The following ALK variants were observed in gnomAD, a reference collection of about 807,000 sequenced individuals.
ALK encodes ALK receptor tyrosine kinase.
In ALK, 74 loss-of-function variants were observed where a neutral mutation model predicts 163.1. The observed-to-expected ratio is 0.45, with a 90% CI of 0.38 to 0.55. The LOEUF (loss-of-function observed/expected upper bound fraction) is 0.55, where lower values mean the gene tolerates loss of function less well. ALK is among the 20% of genes least tolerant of loss of function. The pLI is 0.00. For synonymous variants in ALK, 960 were observed against 843.2 expected (o/e 1.14, Z -2.40); for missense variants, 2,063 against 2,105.3 (o/e 0.98, Z 0.39).
At chr2:29,219,190 G>A (rs1669717511) in intron 23 of ALK, among the ~76,000 whole-genome samples, 1 of 152,182 alleles carries the variant, frequency 6.6e-6, no homozygotes, top group Admixed American at 6.5e-5. Flanking sequence ...AGCTGATGAG[G>A]GCTCTTATGA....
chr2:29,370,760 T>C (rs904026650), intron 5 of ALK, among the ~76,000 whole-genome samples: 10 of 152,206 alleles, frequency 6.6e-5, no homozygotes. Flanking sequence ...ACAGAGCCCG[T>C]GCCCACCTTC....
At chr2:29,207,133 T>C in intron 26 of ALK, 38 bp downstream of exon 26, 1 of 1,546,020 alleles carries the variant, frequency 6.5e-7, no homozygotes, top group South Asian at 1.1e-5. Flanking sequence ...CACCACCTTA[T>C]GGCTGCAGGG....
intron 1 of ALK, among the ~76,000 whole-genome samples, chr2:29,814,193 G>T (rs866691946): frequency 6.6e-6 from 1 of 152,286 alleles, no homozygotes; most frequent in South Asian, 2.1e-4. Flanking sequence ...TTTCATAGAA[G>T]AGGCACTGAG....
chr2:29,617,707 C>T (rs1246010806), intron 3 of ALK, among the ~76,000 whole-genome samples: 1 of 152,188 alleles, frequency 6.6e-6, no homozygotes, highest in Non-Finnish European at 1.5e-5. Context: ...CTTGTCCTTG[C>T]TGTATCGGGA....
At chr2:29,770,180 G>T (rs1051309401) in intron 1 of ALK, among the ~76,000 whole-genome samples, 1 of 152,152 alleles carries the variant, frequency 6.6e-6, no homozygotes, top group Non-Finnish European at 1.5e-5. Flanking sequence ...CCAAGTGTAG[G>T]AAGGAGTGAG....
intron 4 of ALK, among the ~76,000 whole-genome samples, chr2:29,447,243 C>T (rs575104906): frequency 5.9e-5 from 9 of 152,316 alleles, no homozygotes; most frequent in South Asian, 2.1e-4. Context: ...CTCCCCTACC[C>T]GTCTCCATTA....
chr2:29,437,473 C>T (rs567175149), intron 4 of ALK, among the ~76,000 whole-genome samples: 26 of 152,278 alleles, frequency 1.7e-4, no homozygotes, highest in Non-Finnish European at 2.5e-4. Context: ...TGAGACAAAG[C>T]GAGGCCACTT....
chr2:29,610,208 G>A (rs1342179877), intron 3 of ALK, among the ~76,000 whole-genome samples: 1 of 152,174 alleles, frequency 6.6e-6, no homozygotes, highest in African/African-American at 2.4e-5. Context: ...TGCAACAGGA[G>A]TACCAAGCGA....
chr2:29,762,814 C>A (rs569167359), intron 1 of ALK, among the ~76,000 whole-genome samples: 1 of 152,100 alleles, frequency 6.6e-6, no homozygotes, highest in East Asian at 1.9e-4. Flanking sequence ...ATTGGCTGGG[C>A]GCAGTGGCTC....
chr2:29,233,783 G>A lies in ALK; in HGVS notation c.2356-87C>T. ...ACAGAACTTCTATGCTTAAAAACAG[G>A]ATCTGACTCTCTCTCAAAAAACTTA... On this transcript the variant is annotated intron_variant, in intron 13 of 28. Coordinates refer to ENST00000389048, the MANE Select transcript of ALK (RefSeq NM_004304.5). 1.9e-6 allele frequency: 3 copies of A among 1,566,530 alleles called. No homozygotes were observed. In the South Asian group the frequency reaches 3.4e-5, roughly 18 times the overall value.
At chr2:29,803,154 T>C (rs1403184293) in intron 1 of ALK, among the ~76,000 whole-genome samples, 1 of 152,182 alleles carries the variant, frequency 6.6e-6, no homozygotes, top group Non-Finnish European at 1.5e-5. Flanking sequence ...ATGAGCTGTG[T>C]CTATGCCAGC....
At chr2:29,656,912 C>G (rs1300050056) in intron 3 of ALK, among the ~76,000 whole-genome samples, 1 of 152,182 alleles carries the variant, frequency 6.6e-6, no homozygotes, top group African/African-American at 2.4e-5. Flanking sequence ...AACTCAGAAC[C>G]TTTTTTCCTG....
intron 4 of ALK, among the ~76,000 whole-genome samples, chr2:29,502,949 A>C (rs1672224659): frequency 6.6e-6 from 1 of 152,176 alleles, no homozygotes; most frequent in East Asian, 1.9e-4. Flanking sequence ...GATTAATGCA[A>C]AGATGCTGCA....
chr2:29,289,126 T>C (rs778288198), intron 9 of ALK, among the ~76,000 whole-genome samples: 1 of 152,178 alleles, frequency 6.6e-6, no homozygotes, highest in Non-Finnish European at 1.5e-5. Context: ...ATCTGACTTA[T>C]AATGATGAAG....
chr2:29,878,910 G>A (rs1181259830), intron 1 of ALK, among the ~76,000 whole-genome samples: 1 of 152,216 alleles, frequency 6.6e-6, no homozygotes, highest in African/African-American at 2.4e-5. Flanking sequence ...AGATGGAGTA[G>A]GGAGAGAATC....
chr2:29,534,542 C>A (rs1673203681), intron 3 of ALK, among the ~76,000 whole-genome samples: 1 of 152,126 alleles, frequency 6.6e-6, no homozygotes, highest in Non-Finnish European at 1.5e-5. Flanking sequence ...CAACTGTGTC[C>A]TGGTCTGAGA....
At chr2:29,560,943 C>A (rs187445891) in intron 3 of ALK, among the ~76,000 whole-genome samples, 1 of 151,590 alleles carries the variant, frequency 6.6e-6, no homozygotes, top group Admixed American at 6.6e-5. Context: ...TTATAGTATA[C>A]AAATTGTACC....
chr2:29,352,847 A>T (rs1668153963), intron 5 of ALK, among the ~76,000 whole-genome samples: 6 of 152,220 alleles, frequency 3.9e-5, no homozygotes, highest in Admixed American at 3.9e-4. Context: ...TAAAATTATG[A>T]CAGTGAAAGA....
At chr2:29,476,227 G>A (rs1329918677) in intron 4 of ALK, among the ~76,000 whole-genome samples, 1 of 152,148 alleles carries the variant, frequency 6.6e-6, no homozygotes, top group Non-Finnish European at 1.5e-5. Context: ...CATGCATCTA[G>A]TCCTTCATGC....
Sources: gnomAD v4.1 joint callset for allele counts (sites outside exome capture counted in the v4.1 genomes callset) on GRCh38, gnomAD v4.1.1 for gene constraint, MANE v1.5 for transcripts, NCBI Gene and HGNC (gene_info 2026-07-23, HGNC 2026-07-21) for gene names.